HSD11B1L: variants seen among roughly 807,000 people sequenced by gnomAD.
HSD11B1L encodes hydroxysteroid 11-beta dehydrogenase 1 like, also known as hydroxysteroid 11-beta-dehydrogenase 1-like protein.
In HSD11B1L, 22 loss-of-function variants were observed where a neutral mutation model predicts 27.0. That is an observed-to-expected ratio of 0.81 (90% CI 0.58 to 1.16). The LOEUF is 1.16. HSD11B1L is among the 50% of genes most tolerant of loss of function. HSD11B1L has a pLI of 0.00. For synonymous variants in HSD11B1L, 187 were observed against 189.2 expected, an observed-to-expected ratio of 0.99 and a Z score of 0.09; for missense variants, 372 against 401.8, an observed-to-expected ratio of 0.93 and a Z score of 0.63.
At position 5,685,026 on chromosome 19, in the gene HSD11B1L, C is replaced by T. The variant is rs760385158; in HGVS notation, c.111C>T (p.Ala37=). Residue 37 remains alanine, a synonymous_variant, in exon 3 of 8, where the codon GCC becomes GCT. Transcript: ENST00000339423. This position sits in a 1 kb window ranked among gnomAD's most constrained non-coding sequence, Gnocchi z 4.3. The part of the protein sequence containing the change: ...LQGARVLLTG[A]NAGVGEELAY... The stretch of plus-strand genomic sequence containing the variant: ...GAGCGCGAGTGCTGCTGACAGGGGC[C>T]AACGCTGGTGTTGGTGAGGAGCTGG... 1.3e-6 allele frequency: 2 copies of T among 1,581,320 alleles called. No individual in the cohort carries two copies. The highest frequency in any genetic ancestry group is 1.1e-5 in the South Asian group (1 of 88,116).
intron 4 of HSD11B1L, 85 bp from the exon 5 acceptor site, chr19:5,686,814 GC>G: frequency 5.2e-6 from 6 of 1,163,036 alleles, no homozygotes; most frequent in Non-Finnish European, 7.3e-6. Flanking sequence ...CTGGACCAGC[GC>G]TCTGGGTGGA....
chr19:5,685,193 T>C lies in HSD11B1L; in HGVS notation c.204+74T>C. On this transcript the variant is annotated intron_variant, in intron 3 of 7. Transcript: ENST00000339423. The surrounding 1 kb of genome is among the most constrained non-coding windows in gnomAD (Gnocchi z 4.3). ...GGGAAGAGAGCCTGGGTTTAATCCC[T>C]GCAATGATCCAGGCTTCCCGTGTGA... The C allele has an allele frequency of 1.3e-6, 2 of 1,509,036 alleles. No homozygotes were observed. The highest frequency in any genetic ancestry group is 2.5e-5 in the East Asian group (1 of 40,770). The allele number at this position is 1,509,036 out of a possible 1,614,324, so 93.5% of individuals were successfully genotyped here.
At chr19:5,681,405 CG>C (rs1301949347) in intron 1 of HSD11B1L, 134 bp downstream of exon 1, 2 of 152,358 alleles carry the variant, frequency 1.3e-5, no homozygotes, top group Non-Finnish European at 2.9e-5. Context: ...GCATTTCGGC[CG>C]GGCTGCTTCA....
chr19:5,687,970 C>T lies in HSD11B1L; in HGVS notation c.*25C>T. ...AGCACCGGGGGGTGCCCCTCCAGTC[C>T]CAGACGGCAATGTTCCTCCCTCCAA... On this transcript the variant is annotated 3_prime_UTR_variant, in exon 8 of 8. Transcript: ENST00000339423. This position sits in a 1 kb window ranked among gnomAD's most constrained non-coding sequence, Gnocchi z 6.6. 1 of 1,554,718 alleles carries T rather than the reference C, an allele frequency of 6.4e-7. No homozygotes were observed. The highest frequency in any genetic ancestry group is 8.7e-7 in the Non-Finnish European group (1 of 1,148,590).
Position 5,685,895 on chromosome 19 carries a change from C to A in HSD11B1L, c.205-521C>A, listed in dbSNP as rs2054677557. On this transcript the variant is annotated intron_variant, in intron 3 of 7. Coordinates refer to ENST00000339423, the MANE Select transcript of HSD11B1L (RefSeq NM_198706.3). This position sits in a 1 kb window ranked among gnomAD's most constrained non-coding sequence, Gnocchi z 4.3. ...CTCCAGCCTGGGCAACAAAGTGAGACTCTGTCTCAAACAAACAAACAAAAA... is the reference window on the plus strand; with the variant it reads ...CTCCAGCCTGGGCAACAAAGTGAGAATCTGTCTCAAACAAACAAACAAAAA... Among the ~76,000 whole-genome samples, 1 of 152,184 alleles carries A rather than the reference C, an allele frequency of 6.6e-6. No homozygotes were observed. Among genetic ancestry groups the A allele is most frequent in the Admixed American group, 6.5e-5 (1 of 15,278 alleles).
Position 5,687,826 on chromosome 19 carries a change from G to A in HSD11B1L, c.742G>A (p.Ala248Thr). 2 of 1,547,436 alleles carry A rather than the reference G, an allele frequency of 1.3e-6. No homozygotes were observed. Among genetic ancestry groups the A allele is most frequent in the Non-Finnish European group, 1.7e-6 (2 of 1,149,014 alleles). The stretch of plus-strand genomic sequence containing the variant: ...CGTGATCCGCGGCGGCGCCACGCGC[G>A]CGGCCGGCGTCTTCTACCCGTGGCG... ...LAVIRGGATR[A>T]AGVFYPWRFR... Residue 248 changes from alanine to threonine, a missense_variant, in exon 8 of 8, where the codon GCG (alanine) becomes ACG (threonine). By Grantham distance (58) the Ala-to-Thr change is moderately conservative. Transcript: ENST00000339423. The surrounding 1 kb of genome is among the most constrained non-coding windows in gnomAD (Gnocchi z 6.6).
At position 5,685,202 on chromosome 19, in the gene HSD11B1L, C is replaced by T; in HGVS notation, c.204+83C>T. The T allele has an allele frequency of 4.0e-6, 6 of 1,495,684 alleles. No individual in the cohort carries two copies. Among genetic ancestry groups the T allele is most frequent in the Non-Finnish European group, 4.5e-6 (5 of 1,110,176 alleles). The allele number at this position is 1,495,684 out of a possible 1,614,324, so 92.7% of individuals were successfully genotyped here. On this transcript the variant is annotated intron_variant, in intron 3 of 7. Transcript: ENST00000339423. This position sits in a 1 kb window ranked among gnomAD's most constrained non-coding sequence, Gnocchi z 4.3. ...GCCTGGGTTTAATCCCTGCAATGAT[C>T]CAGGCTTCCCGTGTGACCTTGGGCA...
chr19:5,685,539 C>G lies in HSD11B1L; in HGVS notation c.204+420C>G, dbSNP rs533120662. 2.4e-5 allele frequency: 5 copies of G among 204,534 alleles called. No individual in the cohort carries two copies. In the East Asian group the frequency reaches 5.5e-4, roughly 23 times the overall value. The allele number at this position is 204,534 out of a possible 1,614,324, so 12.7% of individuals were successfully genotyped here. A position where few individuals can be genotyped will look rare whatever the true frequency, so the allele number is the denominator to read the frequency against. On this transcript the variant is annotated intron_variant, in intron 3 of 7. Coordinates refer to ENST00000339423, the MANE Select transcript of HSD11B1L (RefSeq NM_198706.3). The surrounding 1 kb of genome is among the most constrained non-coding windows in gnomAD (Gnocchi z 4.3). ...CCAGCCTGGCCAACATGGTGAAACCCTGTCTCTACTAAAAATACAAAAAAT... is the reference window on the plus strand; with the variant it reads ...CCAGCCTGGCCAACATGGTGAAACCGTGTCTCTACTAAAAATACAAAAAAT...
chr19:5,687,757 G>A lies in HSD11B1L; in HGVS notation c.673G>A (p.Val225Ile). The A allele has an allele frequency of 1.3e-6, 2 of 1,482,616 alleles. No homozygotes were observed. Among genetic ancestry groups the A allele is most frequent in the Non-Finnish European group, 1.8e-6 (2 of 1,122,744 alleles). 91.8% of individuals were successfully genotyped at this position (1,482,616 alleles called of 1,614,324 possible). A position where few individuals can be genotyped will look rare whatever the true frequency, so the allele number is the denominator to read the frequency against. ...ACCGTGCCCTCCTGTCCCCAGGGGA[G>A]TCACGAGGGTCAAGGCGGCCCCGGG... ...RASAAEAVRG[V>I]TRVKAAPGPK... is the part of the protein sequence containing the mutation. Residue 225 changes from valine to isoleucine, a missense_variant, in exon 8 of 8, where the codon GTC becomes ATC. Val to Ile is a conservative substitution (Grantham distance 29). Transcript: ENST00000339423. The surrounding 1 kb of genome is among the most constrained non-coding windows in gnomAD (Gnocchi z 6.6).
chr19:5,684,489 G>A, intron 1 of HSD11B1L: 1 of 486,718 alleles, frequency 2.1e-6, no homozygotes, highest in Non-Finnish European at 3.7e-6. Flanking sequence ...GGAGCGGAGT[G>A]AGCAAGGAGG....
At chr19:5,681,966 C>A (rs1012379223) in intron 1 of HSD11B1L, among the ~76,000 whole-genome samples, 6 of 150,404 alleles carry the variant, frequency 4.0e-5, no homozygotes, top group African/African-American at 1.2e-4. Flanking sequence ...GAGGGATGAG[C>A]AGAGGAGCTT....
intron 2 of HSD11B1L, 40 bp from the exon 3 acceptor site, chr19:5,684,949 C>G (rs1263304770): frequency 6.2e-7 from 1 of 1,612,862 alleles, no homozygotes; most frequent in Admixed American, 1.7e-5. Context: ...GGCCAGCTGT[C>G]CTGTCCTCCG....
At position 5,687,560 on chromosome 19, in the gene HSD11B1L, GCTT is replaced by G. The variant is rs2054735018; in HGVS notation, c.565_567del (p.Phe189del). 2 of 1,599,820 alleles carry G rather than the reference GCTT, an allele frequency of 1.3e-6. No homozygotes were observed. Among genetic ancestry groups the G allele is most frequent in the African/African-American group, 1.3e-5 (1 of 74,884 alleles). ...TCGGCGGCCAAGTTTGCGCTGGACG[GCTT>G]CTTCGGCTCCCTGCGGCGGGAGCTG... On this transcript the variant is annotated inframe_deletion, in exon 7 of 8. Coordinates refer to ENST00000339423, the MANE Select transcript of HSD11B1L (RefSeq NM_198706.3). The surrounding 1 kb of genome is among the most constrained non-coding windows in gnomAD (Gnocchi z 6.6).
At chr19:5,681,864 C>T (rs995964480) in intron 1 of HSD11B1L, among the ~76,000 whole-genome samples, 2 of 152,242 alleles carry the variant, frequency 1.3e-5, no homozygotes, top group Non-Finnish European at 2.9e-5. Flanking sequence ...TCTATCCATT[C>T]ATCCATCCAC....
Position 5,687,040 on chromosome 19 carries a change from GGTGGT to G in HSD11B1L, c.408+50_408+54del. The G allele has an allele frequency of 6.9e-7, 1 of 1,459,332 alleles. No homozygotes were observed. The highest frequency in any genetic ancestry group is 9.3e-7 in the Non-Finnish European group (1 of 1,075,432). The allele number at this position is 1,459,332 out of a possible 1,614,324, so 90.4% of individuals were successfully genotyped here. A position where few individuals can be genotyped will look rare whatever the true frequency, so the allele number is the denominator to read the frequency against. Reference sequence around the variant, plus strand: ...GGCCCGCCCCTCTATCTCAGGGACCGGTGGTCCGTTCCCTTCGCGGTCCGGGTTCT... The same window carrying G: ...GGCCCGCCCCTCTATCTCAGGGACCGCCGTTCCCTTCGCGGTCCGGGTTCT... On this transcript the variant is annotated intron_variant, in intron 5 of 7. Coordinates refer to ENST00000339423, the MANE Select transcript of HSD11B1L (RefSeq NM_198706.3). This position sits in a 1 kb window ranked among gnomAD's most constrained non-coding sequence, Gnocchi z 6.6.
At chr19:5,682,995 A>G (rs1160333392) in intron 1 of HSD11B1L, among the ~76,000 whole-genome samples, 1 of 151,688 alleles carries the variant, frequency 6.6e-6, no homozygotes, top group African/African-American at 2.4e-5. Context: ...TGGTGCACCC[A>G]CTTGTAGTCC....
chr19:5,687,438 G>A lies in HSD11B1L; in HGVS notation c.502+63G>A. 2 of 1,597,556 alleles carry A rather than the reference G, an allele frequency of 1.3e-6. No homozygotes were observed. The highest frequency in any genetic ancestry group is 1.1e-5 in the South Asian group (1 of 90,360). Reference sequence around the variant, plus strand: ...TGGGGAGCTCGATGCGGGTGAGCCTGGAGGGTCTGGGCAGGCTTCCCGGAC... The same window carrying A: ...TGGGGAGCTCGATGCGGGTGAGCCTAGAGGGTCTGGGCAGGCTTCCCGGAC... On this transcript the variant is annotated intron_variant, in intron 6 of 7. Transcript: ENST00000339423. This position sits in a 1 kb window ranked among gnomAD's most constrained non-coding sequence, Gnocchi z 6.6.
rs548740740 is a variant in HSD11B1L, at chr19:5,685,612, C to T, written c.204+493C>T. The T allele has an allele frequency of 1.7e-5, 3 of 181,324 alleles. No homozygotes were observed. Among genetic ancestry groups the T allele is most frequent in the African/African-American group, 7.2e-5 (3 of 41,720 alleles). 11.2% of individuals were successfully genotyped at this position (181,324 alleles called of 1,614,324 possible). A position where few individuals can be genotyped will look rare whatever the true frequency, so the allele number is the denominator to read the frequency against. Reference sequence around the variant, plus strand: ...AAATTAGCCGGCGTGGTGTCAGGCACCTGTAATCCCAGCTACTGGGGAGGC... The same window carrying T: ...AAATTAGCCGGCGTGGTGTCAGGCATCTGTAATCCCAGCTACTGGGGAGGC... On this transcript the variant is annotated intron_variant, in intron 3 of 7. Coordinates refer to ENST00000339423, the MANE Select transcript of HSD11B1L (RefSeq NM_198706.3). This position sits in a 1 kb window ranked among gnomAD's most constrained non-coding sequence, Gnocchi z 4.3.
At chr19:5,686,371 G>A (rs906687953) in intron 3 of HSD11B1L, 45 bp from the exon 4 acceptor site, 4 of 1,319,284 alleles carry the variant, frequency 3.0e-6, no homozygotes, top group South Asian at 1.4e-5. Flanking sequence ...AGGGGGAAGC[G>A]CTGCTGTAGA....
Sources: gnomAD v4.1 joint callset for allele counts (sites outside exome capture counted in the v4.1 genomes callset) on GRCh38, gnomAD v4.1.1 for gene constraint, Gnocchi (gnomAD v3.1) non-coding constraint, MANE v1.5 for transcripts, NCBI Gene and HGNC (gene_info 2026-07-23, HGNC 2026-07-21) for gene names.